DTD1: variants seen among roughly 807,000 people sequenced by gnomAD.
The protein encoded by DTD1 is D-tyrosyl-tRNA deacylase 1 homolog.
In DTD1, 13 loss-of-function variants were observed where a neutral mutation model predicts 25.6. The observed-to-expected ratio is 0.51, with a 90% CI of 0.33 to 0.81. The LOEUF (loss-of-function observed/expected upper bound fraction) is 0.81. DTD1 is among the 30% of genes least tolerant of loss of function. The probability of loss-of-function intolerance (pLI) is 0.02; values close to 1 mark genes in which losing one functional copy is unlikely to be tolerated. For synonymous variants in DTD1, 110 were observed against 103.6 expected, an observed-to-expected ratio of 1.06 and a Z score of -0.37; for missense variants, 193 against 266.4, an observed-to-expected ratio of 0.72 and a Z score of 1.92.
chr20:18,659,884 C>T (rs148286224), intron 4 of DTD1, among the ~76,000 whole-genome samples: 1,615 of 151,962 alleles, frequency 0.011, 19 homozygotes, highest in Middle Eastern at 0.02. Context: ...AGCAAACCTG[C>T]ACGTTCAGCA....
chr20:18,655,959 C>T (rs1373928913), intron 4 of DTD1, among the ~76,000 whole-genome samples: 4 of 152,052 alleles, frequency 2.6e-5, no homozygotes, highest in Non-Finnish European at 4.4e-5. Flanking sequence ...TTAGTAGAGA[C>T]GGGGTTTCAC....
chr20:18,730,799 A>AT (rs1228527405), intron 4 of DTD1, among the ~76,000 whole-genome samples: 2 of 152,140 alleles, frequency 1.3e-5, no homozygotes, highest in Admixed American at 6.5e-5. Context: ...TTATTCATTT[A>AT]TTTTTTAAGG....
intron 3 of DTD1, among the ~76,000 whole-genome samples, chr20:18,601,342 T>C (rs559926282): frequency 6.6e-6 from 1 of 151,530 alleles, no homozygotes; most frequent in South Asian, 2.1e-4. Context: ...CTATGAAAAA[T>C]ACAAAAATTA....
chr20:18,753,687 C>CA (rs1327258331), intron 5 of DTD1, among the ~76,000 whole-genome samples: 1 of 150,212 alleles, frequency 6.7e-6, no homozygotes, highest in Non-Finnish European at 1.5e-5. Flanking sequence ...AAGTTAAAGC[C>CA]AAAAAATAAA....
At chr20:18,685,510 C>T (rs2061013160) in intron 4 of DTD1, among the ~76,000 whole-genome samples, 2 of 152,122 alleles carry the variant, frequency 1.3e-5, no homozygotes, top group South Asian at 2.1e-4. Flanking sequence ...TGGCAGACAT[C>T]CTTGGGGAGG....
At chr20:18,589,745 G>A (rs1384222035) in intron 1 of DTD1, among the ~76,000 whole-genome samples, 1 of 152,132 alleles carries the variant, frequency 6.6e-6, no homozygotes, top group East Asian at 1.9e-4. Flanking sequence ...CTGCTAATCT[G>A]GAATATTGAA....
At chr20:18,593,624 G>A in intron 1 of DTD1, 107 bp from the exon 2 acceptor site, 2 of 754,434 alleles carry the variant, frequency 2.7e-6, no homozygotes, top group South Asian at 3.1e-5. Flanking sequence ...AACCAAAGAA[G>A]TTATAAGAAG....
chr20:18,702,855 TCAG>T (rs2061111654), intron 4 of DTD1, among the ~76,000 whole-genome samples: 1 of 152,180 alleles, frequency 6.6e-6, no homozygotes, highest in South Asian at 2.1e-4. Context: ...TCCCTCCCTG[TCAG>T]TCATGCGTCC....
chr20:18,589,898 G>A (rs574683241), intron 1 of DTD1, among the ~76,000 whole-genome samples: 3 of 140,294 alleles, frequency 2.1e-5, no homozygotes, highest in South Asian at 4.8e-4. Context: ...TAAATAATTC[G>A]GGAATTCTGG....
intron 4 of DTD1, among the ~76,000 whole-genome samples, chr20:18,694,590 G>A (rs966794757): frequency 2.0e-5 from 3 of 152,184 alleles, no homozygotes; most frequent in African/African-American, 7.2e-5. Context: ...CTCAGCTAGA[G>A]GCCGCGGGAA....
rs74553520 is a variant in DTD1, at chr20:18,612,459, C to T, written c.371-15668C>T. On this transcript the variant is annotated intron_variant, in intron 3 of 5. Transcript: ENST00000377452. ...TCTTTATCTCGTTGAATACTCACAACAATTCTAAGAGGTGAGTATGAGGAT... is the reference window on the plus strand; with the variant it reads ...TCTTTATCTCGTTGAATACTCACAATAATTCTAAGAGGTGAGTATGAGGAT... Among the ~76,000 whole-genome samples the T allele has an allele frequency of 8.6e-3, 1,301 of 152,162 alleles. 19 individuals are homozygous for T. The highest frequency in any genetic ancestry group is 0.03 in the African/African-American group (1,237 of 41,498).
chr20:18,640,225 G>A (rs1233168476), intron 4 of DTD1, among the ~76,000 whole-genome samples: 1 of 151,760 alleles, frequency 6.6e-6, no homozygotes, highest in Non-Finnish European at 1.5e-5. Context: ...AGCTTTTATA[G>A]TATTCCTGGG....
intron 4 of DTD1, among the ~76,000 whole-genome samples, chr20:18,663,970 G>A (rs1209024421): frequency 6.6e-6 from 1 of 152,222 alleles, no homozygotes; most frequent in African/African-American, 2.4e-5. Context: ...TACAATTCAA[G>A]ATGAGATTCG....
intron 3 of DTD1, among the ~76,000 whole-genome samples, chr20:18,598,726 G>T (rs2060621825): frequency 6.6e-6 from 1 of 151,078 alleles, no homozygotes; most frequent in African/African-American, 2.4e-5. Context: ...AGCTAGGATG[G>T]TCTCGATCTC....
intron 4 of DTD1, among the ~76,000 whole-genome samples, chr20:18,675,797 C>A: frequency 1.3e-5 from 2 of 150,058 alleles, no homozygotes; most frequent in African/African-American, 2.5e-5. Flanking sequence ...TGTAAATATA[C>A]CTATGTGTAT....
intron 1 of DTD1, chr20:18,588,706 C>T (rs1027999225): frequency 2.0e-6 from 2 of 985,186 alleles, no homozygotes; most frequent in African/African-American, 1.7e-5. Flanking sequence ...CTCGCCCTCG[C>T]CCGCTGAACT....
intron 4 of DTD1, among the ~76,000 whole-genome samples, chr20:18,669,968 A>G (rs924140669): frequency 6.6e-6 from 1 of 152,160 alleles, no homozygotes; most frequent in Admixed American, 6.5e-5. Flanking sequence ...ATTGTCTGCA[A>G]GCGCACACCT....
intron 5 of DTD1, among the ~76,000 whole-genome samples, chr20:18,753,636 A>T (rs2061329053): frequency 7.0e-6 from 1 of 142,630 alleles, no homozygotes; most frequent in African/African-American, 2.5e-5. Flanking sequence ...GTTGATATAT[A>T]AATAAGTACA....
chr20:18,710,363 A>C (rs1183368006), intron 4 of DTD1, among the ~76,000 whole-genome samples: 1 of 148,422 alleles, frequency 6.7e-6, no homozygotes, highest in Non-Finnish European at 1.5e-5. Flanking sequence ...AGAATCTTTC[A>C]AACATATTCT....
Sources: allele counts gnomAD v4.1 joint callset (sites outside exome capture counted in the v4.1 genomes callset), GRCh38; gene constraint gnomAD v4.1.1; transcripts MANE v1.5; gene names NCBI Gene and HGNC (gene_info 2026-07-23, HGNC 2026-07-21).